Variants in MGAT5B observed in about 807,000 individuals in gnomAD.
MGAT5B encodes N-acetylglucosaminyl-transferase Vb.
MGAT5B carries 54 observed loss-of-function variants against 95.1 expected under a neutral mutation model. The observed-to-expected ratio is 0.57, with a 90% CI of 0.46 to 0.71. MGAT5B has a LOEUF of 0.71. MGAT5B is among the 30% of genes least tolerant of loss of function. MGAT5B has a pLI of 0.00. For synonymous variants in MGAT5B, 464 were observed against 451.0 expected (o/e 1.03, Z -0.36); for missense variants, 935 against 1,088.6 (o/e 0.86, Z 1.99).
rs1186315335 is a variant in MGAT5B at position 76,869,929 on chromosome 17, C to G, written c.68+832C>G. Among the ~76,000 whole-genome samples the G allele has an allele frequency of 2.6e-5, 4 of 152,132 alleles. No individual in the cohort carries two copies. Among genetic ancestry groups the G allele is most frequent in the Admixed American group, 2.6e-4 (4 of 15,276 alleles). On this transcript the variant is annotated intron_variant, in intron 1 of 17. Coordinates refer to ENST00000569840, the MANE Select transcript of MGAT5B (RefSeq NM_001199172.2). This position sits in a 1 kb window ranked among gnomAD's most constrained non-coding sequence, Gnocchi z 7.0. ...CCTCTCCTCCCAGGCATCCGCGGAA[C>G]CGGCCCGCAGCGGGGTGGGGAGGGG...
rs1348321604 is a variant in MGAT5B, at chr17:76,949,377, A to G, written c.*539A>G. On this transcript the variant is annotated 3_prime_UTR_variant, in exon 18 of 18. Transcript: ENST00000569840. Reference sequence around the variant, plus strand: ...TCGCCCTTCTCCTGTGAGGGGAGCCAGGCACACAGGGCCCATTGGTGTTTG... The same window carrying G: ...TCGCCCTTCTCCTGTGAGGGGAGCCGGGCACACAGGGCCCATTGGTGTTTG... The G allele has an allele frequency of 6.4e-6, 1 of 155,102 alleles. No individual in the cohort carries two copies. The highest frequency in any genetic ancestry group is 1.4e-5 in the Non-Finnish European group (1 of 70,094). 9.6% of individuals were successfully genotyped at this position (155,102 alleles called of 1,614,324 possible). A position where few individuals can be genotyped will look rare whatever the true frequency, so the allele number is the denominator to read the frequency against.
intron 3 of MGAT5B, among the ~76,000 whole-genome samples, chr17:76,899,135 A>G (rs1168093035): frequency 2.0e-5 from 3 of 152,228 alleles, no homozygotes; most frequent in Non-Finnish European, 4.4e-5. Flanking sequence ...GGTCCGTTCC[A>G]AAGTCTCTAG....
chr17:76,933,182 A>G, intron 11 of MGAT5B, 110 bp from the exon 12 acceptor site: 1 of 1,355,032 alleles, frequency 7.4e-7, no homozygotes, highest in Non-Finnish European at 1.0e-6. Flanking sequence ...CCCCATCTTC[A>G]GGGTTGGGGG....
chr17:76,898,501 T>A (rs570456873), intron 3 of MGAT5B, among the ~76,000 whole-genome samples: 2 of 151,808 alleles, frequency 1.3e-5, no homozygotes, highest in East Asian at 3.9e-4. Flanking sequence ...GCTAATTTTT[T>A]TTTTTTGGCC....
chr17:76,906,477 G>A lies in MGAT5B; in HGVS notation c.1025+290G>A, dbSNP rs1248145281. ...CTCAGGGGCTGACACGTGTTGGCTT[G>A]TGGAATTGAGCCACGTCTGCACGTG... is the stretch of plus-strand genomic sequence containing the variant. On this transcript the variant is annotated intron_variant, in intron 8 of 17. Coordinates refer to ENST00000569840, the MANE Select transcript of MGAT5B (RefSeq NM_001199172.2). This position sits in a 1 kb window ranked among gnomAD's most constrained non-coding sequence, Gnocchi z 4.6. Among the ~76,000 whole-genome samples, 1 of 152,224 alleles carries A rather than the reference G, an allele frequency of 6.6e-6. No homozygotes were observed. Among genetic ancestry groups the A allele is most frequent in the East Asian group, 1.9e-4 (1 of 5,202 alleles).
chr17:76,901,417 G>T (rs1156552280), intron 3 of MGAT5B, among the ~76,000 whole-genome samples: 2 of 140,692 alleles, frequency 1.4e-5, no homozygotes, highest in African/African-American at 5.7e-5. Flanking sequence ...AAAAAAAAAG[G>T]CAAGCAGCTT....
intron 9 of MGAT5B, among the ~76,000 whole-genome samples, chr17:76,925,624 A>G (rs1456379634): frequency 6.6e-6 from 1 of 152,050 alleles, no homozygotes; most frequent in African/African-American, 2.4e-5. Flanking sequence ...AGTCCCATTG[A>G]CGATCCCACA....
intron 3 of MGAT5B, among the ~76,000 whole-genome samples, chr17:76,893,898 C>T (rs1468819640): frequency 1.3e-5 from 2 of 152,170 alleles, no homozygotes; most frequent in Non-Finnish European, 2.9e-5. Flanking sequence ...TGCATGGACC[C>T]CTTCCAGGTG....
At chr17:76,881,994 A>C (rs1479618620) in intron 2 of MGAT5B, among the ~76,000 whole-genome samples, 157 bp from the exon 3 acceptor site, 1 of 152,230 alleles carries the variant, frequency 6.6e-6, no homozygotes, top group African/African-American at 2.4e-5. Flanking sequence ...CAAAAGGGTC[A>C]GCAGTGCCTG....
chr17:76,897,660 A>ACCCTCTTT (rs1385091778), intron 3 of MGAT5B, among the ~76,000 whole-genome samples: 4 of 69,386 alleles, frequency 5.8e-5, no homozygotes, highest in Non-Finnish European at 2.6e-5. Context: ...AAGTAAGGCC[A>ACCCTCTTT]CTTTCTTTCT....
chr17:76,914,426 G>T lies in MGAT5B; in HGVS notation c.1025+8239G>T, dbSNP rs559424103. On this transcript the variant is annotated intron_variant, in intron 8 of 17. Coordinates refer to ENST00000569840, the MANE Select transcript of MGAT5B (RefSeq NM_001199172.2). The surrounding 1 kb of genome is among the most constrained non-coding windows in gnomAD (Gnocchi z 5.1). ...GTGACCAGTCAAAAGACCACATGCT[G>T]GGGGGTGTAAACCACACAAATGTGT... Among the ~76,000 whole-genome samples, 2 of 152,272 alleles carry T rather than the reference G, an allele frequency of 1.3e-5. No individual in the cohort carries two copies. The highest frequency in any genetic ancestry group is 4.8e-5 in the African/African-American group (2 of 41,562).
intron 4 of MGAT5B, among the ~76,000 whole-genome samples, chr17:76,902,984 C>T (rs972361010): frequency 2.7e-5 from 4 of 148,218 alleles, no homozygotes; most frequent in Admixed American, 2.1e-4. Flanking sequence ...TGGGGAGCAG[C>T]GAGCTGGGGG....
At chr17:76,922,838 G>C (rs1196001043) in intron 8 of MGAT5B, among the ~76,000 whole-genome samples, 1 of 152,122 alleles carries the variant, frequency 6.6e-6, no homozygotes, top group African/African-American at 2.4e-5. Context: ...TGGTGATTAG[G>C]TTTTCACATT....
chr17:76,871,026 G>A (rs1190214529), intron 1 of MGAT5B, among the ~76,000 whole-genome samples: 1 of 152,150 alleles, frequency 6.6e-6, no homozygotes, highest in Middle Eastern at 3.2e-3. Context: ...GTTCTGGGCT[G>A]AAGGGGGTAG....
Position 76,869,377 on chromosome 17 carries a change from G to A in MGAT5B, c.68+280G>A, listed in dbSNP as rs537086871. On this transcript the variant is annotated intron_variant, in intron 1 of 17. Coordinates refer to ENST00000569840, the MANE Select transcript of MGAT5B (RefSeq NM_001199172.2). This position sits in a 1 kb window ranked among gnomAD's most constrained non-coding sequence, Gnocchi z 7.0. Reference sequence around the variant, plus strand: ...AATGGGGGCAGAAAACCCCCAGGTCGTGGTCCTGGGCCCAGAAAGTTGCCC... The same window carrying A: ...AATGGGGGCAGAAAACCCCCAGGTCATGGTCCTGGGCCCAGAAAGTTGCCC... Among the ~76,000 whole-genome samples the A allele has an allele frequency of 1.8e-4, 28 of 152,154 alleles. No homozygotes were observed. The highest frequency in any genetic ancestry group is 6.7e-4 in the African/African-American group (28 of 41,522).
intron 16 of MGAT5B, 51 bp downstream of exon 16, chr17:76,946,501 G>A: frequency 1.4e-6 from 2 of 1,475,654 alleles, no homozygotes; most frequent in Non-Finnish European, 9.1e-7. Context: ...CCAGAGGAGG[G>A]GGCTGAGCCA....
Position 76,949,125 on chromosome 17 carries a change from G to A in MGAT5B, c.*287G>A, listed in dbSNP as rs1024283517. ...GACTGCTCAGAGTCCGCATGGCCCA[G>A]GAGCAGGTGGTCGGAGGCCCCTGGC... On this transcript the variant is annotated 3_prime_UTR_variant, in exon 18 of 18. Transcript: ENST00000569840. 3 of 443,178 alleles carry A rather than the reference G, an allele frequency of 6.8e-6. No homozygotes were observed. Among genetic ancestry groups the A allele is most frequent in the African/African-American group, 2.0e-5 (1 of 50,286 alleles). The allele number at this position is 443,178 out of a possible 1,614,324, so 27.5% of individuals were successfully genotyped here. A position where few individuals can be genotyped will look rare whatever the true frequency, so the allele number is the denominator to read the frequency against.
At chr17:76,937,668 A>G (rs773053790) in intron 12 of MGAT5B, among the ~76,000 whole-genome samples, 50 of 152,154 alleles carry the variant, frequency 3.3e-4, no homozygotes, top group Non-Finnish European at 6.6e-4. Flanking sequence ...AGGAGCTTAG[A>G]GGTCATTAGG....
At chr17:76,886,399 T>C (rs1010931375) in intron 3 of MGAT5B, among the ~76,000 whole-genome samples, 1 of 152,214 alleles carries the variant, frequency 6.6e-6, no homozygotes, top group African/African-American at 2.4e-5. Context: ...TTAGAGATGA[T>C]GCTGATGGGA....
Sources: allele counts gnomAD v4.1 joint callset (sites outside exome capture counted in the v4.1 genomes callset), GRCh38; gene constraint gnomAD v4.1.1; non-coding constraint Gnocchi (gnomAD v3.1); transcripts MANE v1.5; gene names NCBI Gene and HGNC (gene_info 2026-07-23, HGNC 2026-07-21).